Variants in ADAP1 observed in about 807,000 individuals in gnomAD.
ADAP1 encodes ArfGAP with dual PH domains 1, also known as arf-GAP with dual PH domain-containing protein 1.
In ADAP1, 31 loss-of-function variants were observed where a neutral mutation model predicts 54.9. That is an observed-to-expected ratio of 0.56 (90% CI 0.42 to 0.76). The LOEUF (loss-of-function observed/expected upper bound fraction) is 0.76, where lower values mean the gene tolerates loss of function less well. Ranked by LOEUF, ADAP1 falls within the 30% of genes least tolerant of loss-of-function variation. The pLI is 0.00. For synonymous variants in ADAP1, 313 were observed against 202.6 expected (o/e 1.55, Z -4.63); for missense variants, 535 against 512.4 (o/e 1.04, Z -0.42).
chr7:899,906 G>C (rs1450030602), intron 8 of ADAP1, among the ~76,000 whole-genome samples, 196 bp downstream of exon 8: 1 of 152,338 alleles, frequency 6.6e-6, no homozygotes, highest in African/African-American at 2.4e-5. Flanking sequence ...TGAGCGGGCA[G>C]GGAGGGTCTA....
Position 945,860 on chromosome 7 carries a change from TG to T in ADAP1, c.82+8535del. The T allele has an allele frequency of 1.0e-6, 1 of 984,270 alleles. No homozygotes were observed. The highest frequency in any genetic ancestry group is 1.2e-6 in the Non-Finnish European group (1 of 828,890). The allele number at this position is 984,270 out of a possible 1,614,324, so 61.0% of individuals were successfully genotyped here. A position where few individuals can be genotyped will look rare whatever the true frequency, so the allele number is the denominator to read the frequency against. On this transcript the variant is annotated intron_variant, in intron 1 of 10. Transcript: ENST00000265846. This position sits in a 1 kb window ranked among gnomAD's most constrained non-coding sequence, Gnocchi z 4.2. ...AGCCACATTCTTGGGCGGAGCCAGG[TG>T]GGGCAGGCGTGTCCCCCAAGCCAAG...
rs73672470 is a variant in ADAP1 at position 926,176 on chromosome 7, C to A, written c.305+377G>T. Among the ~76,000 whole-genome samples, 1 of 149,392 alleles carries A rather than the reference C, an allele frequency of 6.7e-6. No homozygotes were observed. The highest frequency in any genetic ancestry group is 1.5e-5 in the Non-Finnish European group (1 of 67,250). ...CGGCCACCGGTACCCACGTCCGCTCCCGCCCTGAGGAGCCAGGGCAGGCCC... is the reference window on the plus strand; with the variant it reads ...CGGCCACCGGTACCCACGTCCGCTCACGCCCTGAGGAGCCAGGGCAGGCCC... On this transcript the variant is annotated intron_variant, in intron 3 of 10. Coordinates refer to ENST00000265846, the MANE Select transcript of ADAP1 (RefSeq NM_006869.4). The surrounding 1 kb of genome is among the most constrained non-coding windows in gnomAD (Gnocchi z 4.6).
intron 2 of ADAP1, among the ~76,000 whole-genome samples, chr7:932,004 A>C (rs1040048610): frequency 1.3e-5 from 2 of 152,162 alleles, no homozygotes; most frequent in African/African-American, 4.8e-5. Context: ...CTCCCGCCCC[A>C]CAGAGTCCCC....
At chr7:936,007 C>T (rs1415638486) in intron 1 of ADAP1, among the ~76,000 whole-genome samples, 1 of 152,250 alleles carries the variant, frequency 6.6e-6, no homozygotes, top group Non-Finnish European at 1.5e-5. Flanking sequence ...GGATGGTAGC[C>T]GCGGATGACG....
At chr7:900,193 C>G in intron 7 of ADAP1, 29 bp from the exon 8 acceptor site, 2 of 1,612,508 alleles carry the variant, frequency 1.2e-6, no homozygotes, top group Non-Finnish European at 1.7e-6. Context: ...GGCAGGGGAC[C>G]TCAGAAGTGC....
intron 4 of ADAP1, among the ~76,000 whole-genome samples, chr7:910,005 C>A (rs908106014): frequency 6.6e-6 from 1 of 152,194 alleles, no homozygotes; most frequent in Admixed American, 6.5e-5. Context: ...CACCGCACGG[C>A]TAAGAGCAGG....
At chr7:902,475 A>AATGCCTG (rs1491159593) in intron 6 of ADAP1, among the ~76,000 whole-genome samples, 2 of 142,260 alleles carry the variant, frequency 1.4e-5, no homozygotes, top group South Asian at 2.2e-4. Flanking sequence ...AAAAAAAGAA[A>AATGCCTG]GAAAAGAAAG....
At chr7:922,230 C>CCA (rs1846216520) in intron 3 of ADAP1, among the ~76,000 whole-genome samples, 1 of 152,168 alleles carries the variant, frequency 6.6e-6, no homozygotes, top group Admixed American at 6.5e-5. Context: ...AAAGCTCCAG[C>CCA]CACACCTCAG....
At chr7:924,738 C>T (rs965577174) in intron 3 of ADAP1, among the ~76,000 whole-genome samples, 5 of 151,762 alleles carry the variant, frequency 3.3e-5, no homozygotes, top group African/African-American at 1.2e-4. Context: ...CACCCCCAGC[C>T]CCCCGCACCC....
chr7:904,665 G>A (rs1291878976), intron 5 of ADAP1, among the ~76,000 whole-genome samples: 2 of 152,228 alleles, frequency 1.3e-5, no homozygotes, highest in Non-Finnish European at 2.9e-5. Context: ...GGGCCACCTT[G>A]TGAAGACCCC....
chr7:899,356 A>G (rs1042641170), intron 9 of ADAP1, 63 bp downstream of exon 9: 201 of 1,606,998 alleles, frequency 1.3e-4, no homozygotes, highest in Non-Finnish European at 2.3e-5. Context: ...CCTCCTGGTC[A>G]CGCATCTGGC....
intron 6 of ADAP1, 73 bp from the exon 7 acceptor site, chr7:900,689 TC>T: frequency 7.6e-7 from 1 of 1,320,058 alleles, no homozygotes; most frequent in Non-Finnish European, 1.1e-6. Flanking sequence ...GGGGCTGGGG[TC>T]CCCACAGAGG....
chr7:906,489 AG>A (rs1186715726), intron 4 of ADAP1, among the ~76,000 whole-genome samples: 36 of 27,756 alleles, frequency 1.3e-3, no homozygotes, highest in African/African-American at 3.2e-3. Flanking sequence ...GAAAGGAGAA[AG>A]GGAAAGGAGA....
chr7:925,126 G>T (rs1055768977), intron 3 of ADAP1, among the ~76,000 whole-genome samples: 1 of 152,020 alleles, frequency 6.6e-6, no homozygotes, highest in Non-Finnish European at 1.5e-5. Context: ...TCAAGAAAAC[G>T]CCTGCCAAGC....
At chr7:923,651 A>T (rs2128105913) in intron 3 of ADAP1, among the ~76,000 whole-genome samples, 1 of 151,998 alleles carries the variant, frequency 6.6e-6, no homozygotes, top group African/African-American at 2.4e-5. Context: ...GCTTAGCTGG[A>T]GGTGGGCACG....
At chr7:901,098 A>C in intron 6 of ADAP1, 1 of 461,040 alleles carries the variant, frequency 2.2e-6, no homozygotes, top group South Asian at 1.6e-5. Context: ...GCCCCTACCG[A>C]GAGTGGGCAG....
chr7:924,730 C>G, intron 3 of ADAP1, among the ~76,000 whole-genome samples: 1 of 151,676 alleles, frequency 6.6e-6, no homozygotes, highest in Non-Finnish European at 1.5e-5. Flanking sequence ...TCCACGAGCA[C>G]CCCCAGCCCC....
Position 904,977 on chromosome 7 carries a change from A to T in ADAP1, c.501+83T>A, listed in dbSNP as rs892858139. ...CAGCAGGGAGGGCAGCTGCGGATGG[A>T]CGCGGCCACCACAGGCCCCAGTGTG... On this transcript the variant is annotated intron_variant, in intron 5 of 10. Transcript: ENST00000265846. 6.6e-5 allele frequency: 80 copies of T among 1,218,396 alleles called. No individual in the cohort carries two copies. In the South Asian group the frequency reaches 9.4e-4, roughly 14 times the overall value. 75.5% of individuals were successfully genotyped at this position (1,218,396 alleles called of 1,614,324 possible).
At chr7:904,340 A>G in intron 5 of ADAP1, 68 bp from the exon 6 acceptor site, 1 of 1,512,400 alleles carries the variant, frequency 6.6e-7, no homozygotes, top group Non-Finnish European at 8.9e-7. Context: ...CAGGAAGGGC[A>G]GACCCTGTGG....
Sources: gnomAD v4.1 joint callset for allele counts (sites outside exome capture counted in the v4.1 genomes callset) on GRCh38, gnomAD v4.1.1 for gene constraint, Gnocchi (gnomAD v3.1) non-coding constraint, MANE v1.5 for transcripts, NCBI Gene and HGNC (gene_info 2026-07-23, HGNC 2026-07-21) for gene names.